Variants in RTL4 observed in about 807,000 individuals in gnomAD.
RTL4 encodes the protein retrotransposon Gag-like protein 4.
In RTL4, 4 loss-of-function variants were observed where a neutral mutation model predicts 5.3. The ratio of observed to expected loss-of-function variants is 0.75; its 90% CI spans 0.37 to 1.72. RTL4 has a LOEUF of 1.72. RTL4 is among the 40% of genes most tolerant of loss of function. The probability of loss-of-function intolerance (pLI) is 0.04; values close to 1 mark genes in which losing one functional copy is unlikely to be tolerated. For synonymous variants in RTL4, 98 were observed against 87.3 expected (o/e 1.12, Z -0.68); for missense variants, 260 against 227.1 (o/e 1.14, Z -0.93).
the RTL4 span, among the ~76,000 whole-genome samples, chrX:112,153,470 T>G: frequency 7.1e-5 from 8 of 112,269 alleles, no homozygotes; most frequent in African/African-American, 2.6e-4. Flanking sequence ...ATTTTTGTCA[T>G]ACTTTTTACA....
chrX:112,364,300 C>T, the RTL4 span, among the ~76,000 whole-genome samples: 1 of 111,492 alleles, frequency 9.0e-6, no homozygotes, highest in Admixed American at 9.5e-5. Context: ...CTCCACAACA[C>T]ACCCTCTACT....
the RTL4 span, among the ~76,000 whole-genome samples, chrX:112,402,878 T>G: frequency 9.0e-6 from 1 of 110,987 alleles, no homozygotes; most frequent in African/African-American, 3.3e-5. Flanking sequence ...AGAAAAAAAA[T>G]TTGTCAGCCG....
At chrX:112,183,101 A>G in the RTL4 span, among the ~76,000 whole-genome samples, 1 of 112,326 alleles carries the variant, frequency 8.9e-6, no homozygotes, top group Non-Finnish European at 1.9e-5. Context: ...TCCTTTACAG[A>G]CAAGCAAATG....
At chrX:112,244,672 T>C in the RTL4 span, among the ~76,000 whole-genome samples, 1 of 112,131 alleles carries the variant, frequency 8.9e-6, no homozygotes, top group Non-Finnish European at 1.9e-5. Context: ...TGTCTTTTAA[T>C]TGGGGCATGT....
the RTL4 span, among the ~76,000 whole-genome samples, chrX:112,115,760 T>C: frequency 9.0e-6 from 1 of 111,513 alleles, no homozygotes; most frequent in African/African-American, 3.3e-5. Flanking sequence ...TAGGAGAAAC[T>C]AGAAAAGCAC....
chrX:112,214,122 G>T, the RTL4 span, among the ~76,000 whole-genome samples: 2 of 111,300 alleles, frequency 1.8e-5, no homozygotes, highest in Non-Finnish European at 3.8e-5. Flanking sequence ...TAGATCTCTA[G>T]GATGTATTTA....
At chrX:112,297,923 C>T in the RTL4 span, among the ~76,000 whole-genome samples, 1 of 111,777 alleles carries the variant, frequency 8.9e-6, no homozygotes, top group Admixed American at 9.5e-5. Flanking sequence ...CTTGACTAGA[C>T]TCTGGGTTTC....
At chrX:112,402,662 T>C in the RTL4 span, among the ~76,000 whole-genome samples, 6 of 110,978 alleles carry the variant, frequency 5.4e-5, no homozygotes, top group Non-Finnish European at 1.1e-4. Flanking sequence ...CAGCTCCTTC[T>C]TGGGAAATCT....
chrX:112,167,615 C>T, the RTL4 span, among the ~76,000 whole-genome samples: 1 of 110,489 alleles, frequency 9.1e-6, no homozygotes, highest in Non-Finnish European at 1.9e-5. Flanking sequence ...TTTATAGCAA[C>T]CTGTAAGGCA....
At chrX:112,156,098 T>A in the RTL4 span, among the ~76,000 whole-genome samples, 3 of 112,141 alleles carry the variant, frequency 2.7e-5, no homozygotes, top group Admixed American at 2.8e-4. Context: ...GATATTATCC[T>A]CCTTCAAAGC....
chrX:112,379,433 C>A, the RTL4 span, among the ~76,000 whole-genome samples: 1 of 112,421 alleles, frequency 8.9e-6, no homozygotes, highest in Admixed American at 9.4e-5. Flanking sequence ...CCTCTATTTT[C>A]TACTTACGTA....
At chrX:112,238,459 T>C in the RTL4 span, among the ~76,000 whole-genome samples, 1 of 111,599 alleles carries the variant, frequency 9.0e-6, no homozygotes, top group African/African-American at 3.3e-5. Flanking sequence ...ATTATTCTAT[T>C]CCCCTCTTGA....
chrX:112,302,152 T>G, the RTL4 span, among the ~76,000 whole-genome samples: 1 of 107,947 alleles, frequency 9.3e-6, no homozygotes, highest in East Asian at 2.9e-4. Context: ...TCCCAGCTAC[T>G]TGGGAGGATG....
At chrX:112,128,666 A>C in the RTL4 span, among the ~76,000 whole-genome samples, 93 of 106,862 alleles carry the variant, frequency 8.7e-4, 1 homozygote, top group African/African-American at 3.0e-3. Context: ...TCACAAAAAA[A>C]AAAAAAAAAA....
the RTL4 span, among the ~76,000 whole-genome samples, chrX:112,330,537 C>G: frequency 3.6e-5 from 4 of 110,919 alleles, no homozygotes; most frequent in African/African-American, 1.3e-4. Context: ...ACATTCCATG[C>G]TCATGGGTAG....
chrX:112,262,331 T>A, the RTL4 span, among the ~76,000 whole-genome samples: 1 of 110,250 alleles, frequency 9.1e-6, no homozygotes, highest in South Asian at 4.1e-4. Context: ...TACAAAGAAC[T>A]CAAACAAATT....
the RTL4 span, among the ~76,000 whole-genome samples, chrX:112,419,036 A>ATATATATATATATCT: frequency 1.6e-4 from 1 of 6,181 alleles, no homozygotes; most frequent in African/African-American, 2.1e-4. Context: ...CATAAGATAT[A>ATATATATATATATCT]TATATATATA....
chrX:112,443,274 T>C, the RTL4 span, among the ~76,000 whole-genome samples: 1 of 112,289 alleles, frequency 8.9e-6, no homozygotes, highest in Non-Finnish European at 1.9e-5. Flanking sequence ...CATCATTTTT[T>C]ATTGCTGAAT....
chrX:112,280,770 C>T, the RTL4 span, among the ~76,000 whole-genome samples: 1 of 111,918 alleles, frequency 8.9e-6, no homozygotes, highest in South Asian at 3.8e-4. Context: ...GCTGGGATTA[C>T]AGGTGTGAGC....
Sources: gnomAD v4.1 joint callset for allele counts (sites outside exome capture counted in the v4.1 genomes callset) on GRCh38, gnomAD v4.1.1 for gene constraint, MANE v1.5 for transcripts, NCBI Gene and HGNC (gene_info 2026-07-23, HGNC 2026-07-21) for gene names.